The following AUTS2 variants were observed in gnomAD, a reference collection of about 807,000 sequenced individuals.
AUTS2 encodes the protein autism susceptibility gene 2 protein.
A neutral mutation model predicts 112.4 loss-of-function variants in AUTS2; 17 were observed. The observed-to-expected ratio is 0.15, with a 90% CI of 0.10 to 0.23. The LOEUF is 0.23. Ranked by LOEUF, AUTS2 falls within the 10% of genes least tolerant of loss-of-function variation. The pLI, the probability that AUTS2 is intolerant of heterozygous loss-of-function variation, is 1.00. For missense variants in AUTS2, 1,510 were observed against 1,701.6 expected (o/e 0.89, Z 1.98); for synonymous variants, 751 against 702.7 (o/e 1.07, Z -1.09).
intron 5 of AUTS2, among the ~76,000 whole-genome samples, chr7:70,605,546 C>CTTGT (rs1554440369): frequency 1.4e-5 from 1 of 70,664 alleles, no homozygotes; most frequent in African/African-American, 6.6e-5. Context: ...CCTTCTTTCT[C>CTTGT]TTTTTTTTTT....
chr7:69,925,681 C>A (rs1227650217), intron 2 of AUTS2, among the ~76,000 whole-genome samples: 1 of 152,186 alleles, frequency 6.6e-6, no homozygotes, highest in Non-Finnish European at 1.5e-5. Flanking sequence ...TCATATCAGC[C>A]TGGCTTTTAA....
At chr7:69,799,060 T>C (rs1352718735) in intron 1 of AUTS2, among the ~76,000 whole-genome samples, 4 of 151,878 alleles carry the variant, frequency 2.6e-5, no homozygotes, top group Non-Finnish European at 5.9e-5. Flanking sequence ...AAAAAAATTA[T>C]ATGTAAGTAT....
chr7:69,669,863 C>A (rs1408235032), intron 1 of AUTS2, among the ~76,000 whole-genome samples: 1 of 152,052 alleles, frequency 6.6e-6, no homozygotes, highest in Admixed American at 6.6e-5. Context: ...ATTTATTGAA[C>A]ACCATTTGTA....
At chr7:70,158,931 C>A (rs1322982552) in intron 4 of AUTS2, among the ~76,000 whole-genome samples, 1 of 151,898 alleles carries the variant, frequency 6.6e-6, no homozygotes, top group Admixed American at 6.5e-5. Flanking sequence ...ATATCATTAT[C>A]TGCTGTCATT....
chr7:70,345,739 T>C (rs1476288202), intron 4 of AUTS2, among the ~76,000 whole-genome samples: 1 of 152,220 alleles, frequency 6.6e-6, no homozygotes, highest in African/African-American at 2.4e-5. Flanking sequence ...AAGACTCTCA[T>C]GACTTTCTTC....
intron 1 of AUTS2, among the ~76,000 whole-genome samples, chr7:69,716,446 G>A (rs1798616308): frequency 6.6e-6 from 1 of 152,156 alleles, no homozygotes; most frequent in South Asian, 2.1e-4. Flanking sequence ...AGCAGGACAA[G>A]GACTGAACTT....
At chr7:70,082,460 G>A (rs1231732769) in intron 2 of AUTS2, among the ~76,000 whole-genome samples, 1 of 152,168 alleles carries the variant, frequency 6.6e-6, no homozygotes, top group Non-Finnish European at 1.5e-5. Flanking sequence ...TATAGATACA[G>A]CTGGACTTTT....
chr7:69,808,727 T>G (rs1035566962), intron 1 of AUTS2, among the ~76,000 whole-genome samples: 1 of 152,068 alleles, frequency 6.6e-6, no homozygotes, highest in East Asian at 1.9e-4. Context: ...AGCTCCTGAT[T>G]AGAAAGAATG....
chr7:69,832,825 A>G (rs1477897739), intron 1 of AUTS2, among the ~76,000 whole-genome samples: 1 of 152,178 alleles, frequency 6.6e-6, no homozygotes, highest in Middle Eastern at 3.2e-3. Context: ...AACAACAAAA[A>G]CATTAACTGT....
chr7:70,486,592 A>G (rs1798010472), intron 5 of AUTS2, among the ~76,000 whole-genome samples: 1 of 151,930 alleles, frequency 6.6e-6, no homozygotes, highest in African/African-American at 2.4e-5. Flanking sequence ...AAAAACAAAA[A>G]CAAAACAAAA....
chr7:69,858,989 T>C (rs1261516014), intron 1 of AUTS2, among the ~76,000 whole-genome samples: 2 of 152,254 alleles, frequency 1.3e-5, no homozygotes, highest in South Asian at 2.1e-4. Flanking sequence ...TAGAAGTGAA[T>C]AGGACTGTTA....
intron 6 of AUTS2, among the ~76,000 whole-genome samples, chr7:70,711,740 A>G (rs1185629562): frequency 6.6e-6 from 1 of 152,216 alleles, no homozygotes; most frequent in Non-Finnish European, 1.5e-5. Flanking sequence ...ATTTCCATAC[A>G]GGTGAACAAC....
intron 5 of AUTS2, among the ~76,000 whole-genome samples, chr7:70,482,163 T>G (rs1037736182): frequency 3.9e-5 from 6 of 152,130 alleles, no homozygotes; most frequent in African/African-American, 1.4e-4. Flanking sequence ...GGAAAAAGTG[T>G]TCAGTAAGAC....
chr7:69,630,766 A>C (rs1794193911), intron 1 of AUTS2, among the ~76,000 whole-genome samples: 1 of 152,218 alleles, frequency 6.6e-6, no homozygotes, highest in African/African-American at 2.4e-5. Context: ...ACAATTAAAG[A>C]TTCCTGGTTA....
intron 6 of AUTS2, among the ~76,000 whole-genome samples, chr7:70,762,351 G>C (rs1789616339): frequency 6.6e-6 from 1 of 151,994 alleles, no homozygotes. Flanking sequence ...TGCCCAGGGT[G>C]CTCTTGAACT....
At chr7:70,520,838 A>G (rs1008740563) in intron 5 of AUTS2, among the ~76,000 whole-genome samples, 3 of 152,182 alleles carry the variant, frequency 2.0e-5, no homozygotes, top group African/African-American at 7.2e-5. Flanking sequence ...ACAAATCAGG[A>G]TCTTCAACAA....
intron 1 of AUTS2, among the ~76,000 whole-genome samples, chr7:69,604,326 T>G (rs899541004): frequency 2.0e-5 from 3 of 152,208 alleles, no homozygotes; most frequent in Admixed American, 2.0e-4. Flanking sequence ...GTCACATGCC[T>G]TCTGTCAGTC....
At chr7:70,697,560 T>TTCCCCCCC (rs1554464392) in intron 5 of AUTS2, among the ~76,000 whole-genome samples, 1 of 127,718 alleles carries the variant, frequency 7.8e-6, no homozygotes, top group Non-Finnish European at 1.6e-5. Flanking sequence ...ACTTCAGAAT[T>TTCCCCCCC]CCCCCCCCCC....
intron 5 of AUTS2, among the ~76,000 whole-genome samples, chr7:70,658,710 C>T (rs557647307): frequency 2.6e-5 from 4 of 152,242 alleles, no homozygotes; most frequent in South Asian, 2.1e-4. Flanking sequence ...CAGTTTAGTA[C>T]GGATAAACCA....
Sources: gnomAD v4.1 joint callset for allele counts (sites outside exome capture counted in the v4.1 genomes callset) on GRCh38, gnomAD v4.1.1 for gene constraint, MANE v1.5 for transcripts, NCBI Gene and HGNC (gene_info 2026-07-23, HGNC 2026-07-21) for gene names.